STXBP5L: variants seen among roughly 807,000 people sequenced by gnomAD.
STXBP5L encodes syntaxin-binding protein 5-like.
Under a neutral mutation model 144.5 loss-of-function variants are expected in STXBP5L, and 65 were observed. The observed-to-expected ratio is 0.45, with a 90% CI of 0.37 to 0.55. STXBP5L has a LOEUF of 0.55. Ranked by LOEUF, STXBP5L falls within the 20% of genes least tolerant of loss-of-function variation. The pLI is 0.00. For missense variants in STXBP5L, 1,298 were observed against 1,405.5 expected, an observed-to-expected ratio of 0.92 and a Z score of 1.22; for synonymous variants, 505 against 469.6, an observed-to-expected ratio of 1.08 and a Z score of -0.97.
chr3:121,113,666 C>CTTTTTTTTTTTTTTTTTTTTTTTTTTTTT (rs1273804231), intron 5 of STXBP5L, among the ~76,000 whole-genome samples: 1 of 132,902 alleles, frequency 7.5e-6, no homozygotes. Flanking sequence ...ATTCTTTTTT[C>CTTTTTTTTTTTTTTTTTTTTTTTTTTTTT]TTTTTCTTTT....
chr3:121,273,094 TTATAAG>T (rs898714884), intron 18 of STXBP5L, among the ~76,000 whole-genome samples: 1 of 152,116 alleles, frequency 6.6e-6, no homozygotes, highest in African/African-American at 2.4e-5. Context: ...AAATTTACAT[TTATAAG>T]TATATTTTAT....
intron 20 of STXBP5L, among the ~76,000 whole-genome samples, chr3:121,340,165 T>G (rs2044655528): frequency 6.6e-6 from 1 of 152,122 alleles, no homozygotes; most frequent in Non-Finnish European, 1.5e-5. Flanking sequence ...ACTACAATGC[T>G]GTAGTAACCA....
At chr3:121,057,292 T>G (rs1023027815) in intron 5 of STXBP5L, among the ~76,000 whole-genome samples, 1 of 152,018 alleles carries the variant, frequency 6.6e-6, no homozygotes, top group Admixed American at 6.6e-5. Flanking sequence ...CTTTTTTCCC[T>G]CTATAGTATA....
At chr3:121,360,123 T>G (rs974261583) in intron 20 of STXBP5L, among the ~76,000 whole-genome samples, 3 of 145,792 alleles carry the variant, frequency 2.1e-5, no homozygotes, top group Non-Finnish European at 4.5e-5. Flanking sequence ...TATATCCTCT[T>G]GCTGAATTGA....
rs71619793 is a variant in STXBP5L, at chr3:121,312,368, CTTTTTTTTTTTT to C, written c.2111-6095_2111-6084del. 4.0e-4 allele frequency among the ~76,000 whole-genome samples: 24 copies of C among 60,102 alleles called. 1 individual carries two copies. In the South Asian group the frequency reaches 6.3e-3, roughly 16 times the overall value. The allele number at this position is 60,102 out of a possible 152,430, so 39.4% of individuals were successfully genotyped here. A position where few individuals can be genotyped will look rare whatever the true frequency, so the allele number is the denominator to read the frequency against. On this transcript the variant is annotated intron_variant, in intron 19 of 26. Transcript: ENST00000471454. ...GGGATCTAAGTAAACTAAAGAGCTT[CTTTTTTTTTTTT>C]TTTTTTTTTTTATGGCAGAAAAATG...
intron 20 of STXBP5L, among the ~76,000 whole-genome samples, chr3:121,353,277 C>T (rs557510564): frequency 2.0e-5 from 3 of 152,222 alleles, no homozygotes; most frequent in African/African-American, 7.2e-5. Flanking sequence ...CTGTTTGTAC[C>T]TCTGGTAGAA....
At chr3:121,323,093 T>C (rs571308388) in intron 20 of STXBP5L, among the ~76,000 whole-genome samples, 1 of 152,280 alleles carries the variant, frequency 6.6e-6, no homozygotes, top group Non-Finnish European at 1.5e-5. Flanking sequence ...CTGGATATTA[T>C]AACTTAGTTG....
intron 22 of STXBP5L, among the ~76,000 whole-genome samples, chr3:121,398,552 C>T (rs188027143): frequency 1.4e-4 from 21 of 152,316 alleles, no homozygotes; most frequent in Non-Finnish European, 2.4e-4. Context: ...ACATTTTAGA[C>T]ATATTTCAGG....
intron 2 of STXBP5L, among the ~76,000 whole-genome samples, chr3:120,931,535 G>A (rs889842646): frequency 6.6e-6 from 1 of 152,172 alleles, no homozygotes; most frequent in African/African-American, 2.4e-5. Flanking sequence ...GTAAACTGCA[G>A]CTTACAGCTG....
chr3:121,093,334 T>G (rs2042927062), intron 5 of STXBP5L, among the ~76,000 whole-genome samples: 1 of 152,148 alleles, frequency 6.6e-6, no homozygotes, highest in Non-Finnish European at 1.5e-5. Flanking sequence ...TTGGAATAGT[T>G]TCAGAAGGAA....
At chr3:121,084,838 A>G (rs2042414121) in intron 5 of STXBP5L, among the ~76,000 whole-genome samples, 1 of 152,220 alleles carries the variant, frequency 6.6e-6, no homozygotes, top group South Asian at 2.1e-4. Flanking sequence ...CCAGCAGAGT[A>G]AAAGCATTCC....
rs1406910770 is a variant in STXBP5L, at chr3:121,363,212, G to C, written c.2177-15504G>C. Among the ~76,000 whole-genome samples the C allele has an allele frequency of 2.0e-5, 3 of 152,124 alleles. No individual in the cohort carries two copies. In the East Asian group the frequency reaches 5.8e-4, roughly 29 times the overall value. On this transcript the variant is annotated intron_variant, in intron 20 of 26. Coordinates refer to ENST00000471454, the MANE Select transcript of STXBP5L (RefSeq NM_001308330.2). ...TGTGCAGCCTGGGGTTATGGGAGAGGTGATACCAGCAGTCCCTTGGCTGAC... is the reference window on the plus strand; with the variant it reads ...TGTGCAGCCTGGGGTTATGGGAGAGCTGATACCAGCAGTCCCTTGGCTGAC...
chr3:120,909,790 G>A, intron 2 of STXBP5L, 23 bp downstream of exon 2: 1 of 1,595,378 alleles, frequency 6.3e-7, no homozygotes, highest in Non-Finnish European at 8.5e-7. Flanking sequence ...TTGGCTTAAA[G>A]CCTATTATTT....
chr3:121,091,699 C>T lies in STXBP5L; in HGVS notation c.471-23226C>T, dbSNP rs554566446. On this transcript the variant is annotated intron_variant, in intron 5 of 26. Coordinates refer to ENST00000471454, the MANE Select transcript of STXBP5L (RefSeq NM_001308330.2). Reference sequence around the variant, plus strand: ...AGCCCTTTGTCAGATGAGTAGGTTGCGAAAATTTTCTCCCATGTTGTAGGT... The same window carrying T: ...AGCCCTTTGTCAGATGAGTAGGTTGTGAAAATTTTCTCCCATGTTGTAGGT... Among the ~76,000 whole-genome samples, 11 of 152,176 alleles carry T rather than the reference C, an allele frequency of 7.2e-5. No homozygotes were observed. The South Asian group carries it at 8.3e-4, about 11-fold the overall frequency.
chr3:121,353,845 C>A (rs185474063), intron 20 of STXBP5L, among the ~76,000 whole-genome samples: 1 of 152,224 alleles, frequency 6.6e-6, no homozygotes, highest in African/African-American at 2.4e-5. Flanking sequence ...CCTCTACACA[C>A]TGCTTTAAAT....
At chr3:121,300,144 A>C (rs1480175820) in intron 19 of STXBP5L, among the ~76,000 whole-genome samples, 2 of 152,150 alleles carry the variant, frequency 1.3e-5, no homozygotes, top group African/African-American at 4.8e-5. Flanking sequence ...ATCAGAAATA[A>C]TTGAAGCTAG....
intron 9 of STXBP5L, among the ~76,000 whole-genome samples, chr3:121,161,089 A>G: frequency 6.6e-6 from 1 of 152,030 alleles, no homozygotes; most frequent in East Asian, 1.9e-4. Flanking sequence ...TAAGAGGAAA[A>G]ACAGTCTTTT....
At chr3:121,297,188 T>G (rs184381785) in intron 19 of STXBP5L, among the ~76,000 whole-genome samples, 38 of 136,620 alleles carry the variant, frequency 2.8e-4, no homozygotes, top group Admixed American at 1.9e-3. Context: ...AGAATCTGAA[T>G]GATTCTACAT....
rs567299533 is a variant in STXBP5L, at chr3:121,317,287, G to A, written c.2111-1188G>A. ...TGCTCTATAAGCAATTGAAATATGA[G>A]TGCAGAATAAAAAATCTGAGTTCTG... On this transcript the variant is annotated intron_variant, in intron 19 of 26. Coordinates refer to ENST00000471454, the MANE Select transcript of STXBP5L (RefSeq NM_001308330.2). Among the ~76,000 whole-genome samples the A allele has an allele frequency of 5.3e-5, 8 of 152,264 alleles. No homozygotes were observed. In the East Asian group the frequency reaches 1.5e-3, roughly 29 times the overall value.
Sources: allele counts gnomAD v4.1 joint callset (sites outside exome capture counted in the v4.1 genomes callset), GRCh38; gene constraint gnomAD v4.1.1; transcripts MANE v1.5; gene names NCBI Gene and HGNC (gene_info 2026-07-23, HGNC 2026-07-21).